The following CTNNA3 variants were observed in gnomAD, a reference collection of about 807,000 sequenced individuals.
The protein encoded by CTNNA3 is catenin alpha 3, also known as catenin alpha-3.
Under a neutral mutation model 95.7 loss-of-function variants are expected in CTNNA3, and 76 were observed. That is an observed-to-expected ratio of 0.79 (90% CI 0.66 to 0.96). CTNNA3 has a LOEUF of 0.96. CTNNA3 is among the 40% of genes least tolerant of loss of function. The pLI, the probability that CTNNA3 is intolerant of heterozygous loss-of-function variation, is 0.00. For missense variants in CTNNA3, 1,191 were observed against 1,089.8 expected, an observed-to-expected ratio of 1.09 and a Z score of -1.31; for synonymous variants, 431 against 374.4, an observed-to-expected ratio of 1.15 and a Z score of -1.74.
chr10:67,296,926 C>T (rs552913951), intron 5 of CTNNA3, among the ~76,000 whole-genome samples: 20 of 85,226 alleles, frequency 2.3e-4, no homozygotes, highest in African/African-American at 6.9e-4. Flanking sequence ...AAGAATGAAA[C>T]GCTGTCTCAA....
At chr10:66,165,862 A>G (rs562845401) in intron 13 of CTNNA3, among the ~76,000 whole-genome samples, 2 of 151,920 alleles carry the variant, frequency 1.3e-5, no homozygotes, top group East Asian at 3.9e-4. Flanking sequence ...TTTGCCTCCC[A>G]GGTTCAAGCA....
intron 10 of CTNNA3, among the ~76,000 whole-genome samples, chr10:66,570,159 G>T (rs1842826392): frequency 6.6e-6 from 1 of 152,162 alleles, no homozygotes. Flanking sequence ...ACTTCAGTTA[G>T]AAGTTTTAGC....
chr10:66,266,288 A>G (rs971116406), intron 13 of CTNNA3, among the ~76,000 whole-genome samples: 1 of 151,992 alleles, frequency 6.6e-6, no homozygotes, highest in Admixed American at 6.6e-5. Flanking sequence ...CAGAGCTACT[A>G]TAACACGTAG....
chr10:67,403,151 C>CCAGCA (rs1454164372), intron 5 of CTNNA3, among the ~76,000 whole-genome samples: 5 of 152,184 alleles, frequency 3.3e-5, no homozygotes, highest in Admixed American at 1.3e-4. Context: ...TAAGGGACCC[C>CCAGCA]CAGCACAGCA....
intron 5 of CTNNA3, among the ~76,000 whole-genome samples, chr10:67,496,922 A>G (rs1839041357): frequency 6.6e-6 from 1 of 152,108 alleles, no homozygotes; most frequent in Non-Finnish European, 1.5e-5. Flanking sequence ...GGCATAAACT[A>G]TGTGTCTATC....
intron 12 of CTNNA3, among the ~76,000 whole-genome samples, chr10:66,356,305 G>A (rs2092610112): frequency 1.3e-5 from 2 of 151,730 alleles, no homozygotes; most frequent in Admixed American, 6.6e-5. Context: ...ATCATATTGA[G>A]TATATTCCAA....
intron 14 of CTNNA3, among the ~76,000 whole-genome samples, chr10:66,088,563 CT>C (rs2081082498): frequency 6.7e-6 from 1 of 149,626 alleles, no homozygotes; most frequent in East Asian, 2.0e-4. Context: ...TTCTGCAGTT[CT>C]CCAAATGTAT....
At chr10:67,292,197 C>T (rs1046267220) in intron 5 of CTNNA3, among the ~76,000 whole-genome samples, 11 of 152,030 alleles carry the variant, frequency 7.2e-5, no homozygotes, top group Non-Finnish European at 1.2e-4. Context: ...AGTTTTTACA[C>T]AGCAGGGCAG....
At chr10:67,271,993 C>T (rs904238381) in intron 5 of CTNNA3, among the ~76,000 whole-genome samples, 4 of 152,180 alleles carry the variant, frequency 2.6e-5, no homozygotes, top group East Asian at 3.9e-4. Flanking sequence ...AGTAAATATA[C>T]AAAAATAAAA....
chr10:66,974,076 T>C (rs7916564), intron 7 of CTNNA3, among the ~76,000 whole-genome samples: 1 of 152,182 alleles, frequency 6.6e-6, no homozygotes, highest in Non-Finnish European at 1.5e-5. Flanking sequence ...AAAGTTGCCC[T>C]GAGTCTCTCT....
At chr10:66,808,939 A>G (rs1056109373) in intron 7 of CTNNA3, among the ~76,000 whole-genome samples, 3 of 152,198 alleles carry the variant, frequency 2.0e-5, no homozygotes, top group African/African-American at 7.2e-5. Context: ...TTAGTAGAAG[A>G]TGTTGCTTTA....
chr10:67,642,195 T>C (rs547994851), intron 2 of CTNNA3, among the ~76,000 whole-genome samples: 3 of 152,234 alleles, frequency 2.0e-5, no homozygotes, highest in Admixed American at 2.0e-4. Context: ...TGGGTTCTAA[T>C]TAAACTAAAG....
intron 7 of CTNNA3, among the ~76,000 whole-genome samples, chr10:66,815,868 T>A (rs1208530773): frequency 6.6e-6 from 1 of 152,004 alleles, no homozygotes; most frequent in Non-Finnish European, 1.5e-5. Context: ...CAGGCTGAAA[T>A]AAAAGGACAT....
intron 11 of CTNNA3, among the ~76,000 whole-genome samples, chr10:66,411,903 C>T (rs2093108303): frequency 1.3e-5 from 2 of 152,064 alleles, no homozygotes; most frequent in Admixed American, 6.6e-5. Flanking sequence ...CCACTGAGCC[C>T]TCAAATGACA....
chr10:66,974,595 A>G (rs948760058), intron 7 of CTNNA3, among the ~76,000 whole-genome samples: 1 of 152,198 alleles, frequency 6.6e-6, no homozygotes, highest in African/African-American at 2.4e-5. Flanking sequence ...TGTTCTTCAA[A>G]GTGGTTATTC....
intron 1 of CTNNA3, among the ~76,000 whole-genome samples, chr10:67,702,161 C>T (rs1362355319): frequency 6.6e-6 from 1 of 152,074 alleles, no homozygotes; most frequent in African/African-American, 2.4e-5. Flanking sequence ...ACTTAGACTC[C>T]CATACAATAA....
At chr10:67,723,902 C>T (rs777867419) in intron 1 of CTNNA3, among the ~76,000 whole-genome samples, 1 of 152,108 alleles carries the variant, frequency 6.6e-6, no homozygotes, top group African/African-American at 2.4e-5. Context: ...ATATGCATAT[C>T]CATCGAAGTT....
chr10:67,340,420 T>C (rs1407074355), intron 5 of CTNNA3, among the ~76,000 whole-genome samples: 1 of 152,254 alleles, frequency 6.6e-6, no homozygotes, highest in Non-Finnish European at 1.5e-5. Flanking sequence ...ATGGTTTGAA[T>C]GCAAAAAACT....
intron 7 of CTNNA3, among the ~76,000 whole-genome samples, chr10:67,155,560 ATTC>A (rs1386358737): frequency 2.0e-5 from 3 of 151,266 alleles, no homozygotes; most frequent in Non-Finnish European, 3.0e-5. Flanking sequence ...TTGTACATTC[ATTC>A]TTCTTTTAGT....
Sources: allele counts gnomAD v4.1 joint callset (sites outside exome capture counted in the v4.1 genomes callset), GRCh38; gene constraint gnomAD v4.1.1; transcripts MANE v1.5; gene names NCBI Gene and HGNC (gene_info 2026-07-23, HGNC 2026-07-21).